MTUS2: variants seen among roughly 807,000 people sequenced by gnomAD.
MTUS2 encodes the protein microtubule associated scaffold protein 2.
In MTUS2, 40 loss-of-function variants were observed where a neutral mutation model predicts 114.1. That is an observed-to-expected ratio of 0.35 (90% confidence interval 0.27 to 0.46). The LOEUF is 0.46. Among genes scored for constraint, MTUS2 ranks in the 20% least tolerant of loss-of-function variants. The pLI, the probability that MTUS2 is intolerant of heterozygous loss-of-function variation, is 1.00. For missense variants in MTUS2, 1,679 were observed against 1,705.4 expected (o/e 0.98, Z 0.27); for synonymous variants, 688 against 672.0 (o/e 1.02, Z -0.37).
At chr13:29,293,395 A>G (rs1898799437) in intron 6 of MTUS2, among the ~76,000 whole-genome samples, 1 of 152,198 alleles carries the variant, frequency 6.6e-6, no homozygotes, top group Non-Finnish European at 1.5e-5. Flanking sequence ...TTAGAATGAG[A>G]TACAGTCTTT....
chr13:29,416,082 A>ATTTTTTT (rs139281629), intron 8 of MTUS2, among the ~76,000 whole-genome samples: 29 of 127,716 alleles, frequency 2.3e-4, no homozygotes, highest in Non-Finnish European at 2.6e-4. Flanking sequence ...CACCCCACTA[A>ATTTTTTT]TTTTTTTTTT....
chr13:29,079,691 AT>A (rs1380289009), intron 4 of MTUS2, among the ~76,000 whole-genome samples: 1 of 152,160 alleles, frequency 6.6e-6, no homozygotes, highest in Non-Finnish European at 1.5e-5. Context: ...CCTTGATGAA[AT>A]TTAGTTCACC....
chr13:29,041,155 A>G (rs188789244), intron 4 of MTUS2, among the ~76,000 whole-genome samples: 8 of 152,142 alleles, frequency 5.3e-5, no homozygotes, highest in Non-Finnish European at 1.0e-4. Flanking sequence ...ATGAAGGTCC[A>G]ATTTCATTAT....
chr13:29,481,499 G>A (rs191630073), intron 10 of MTUS2, among the ~76,000 whole-genome samples: 1 of 152,240 alleles, frequency 6.6e-6, no homozygotes, highest in Non-Finnish European at 1.5e-5. Context: ...TATGCTTAAG[G>A]TAAGTTGACA....
intron 8 of MTUS2, among the ~76,000 whole-genome samples, chr13:29,386,139 C>T (rs1437412993): frequency 6.6e-6 from 1 of 152,028 alleles, no homozygotes; most frequent in Non-Finnish European, 1.5e-5. Flanking sequence ...GGTATAAGAC[C>T]CTCATCAGGA....
At chr13:28,989,175 T>G (rs1566273011) in intron 2 of MTUS2, among the ~76,000 whole-genome samples, 1 of 152,158 alleles carries the variant, frequency 6.6e-6, no homozygotes, top group Admixed American at 6.5e-5. Context: ...GTGAAGCTAG[T>G]GGAGTGCTGG....
At chr13:29,389,399 A>ACACGTGTGTGTG (rs1566172841) in intron 8 of MTUS2, among the ~76,000 whole-genome samples, 45 of 67,964 alleles carry the variant, frequency 6.6e-4, no homozygotes, top group South Asian at 1.5e-3. Context: ...GTGTGTGTAT[A>ACACGTGTGTGTG]TATGTATACA....
intron 9 of MTUS2, among the ~76,000 whole-genome samples, chr13:29,463,894 C>G (rs73446133): frequency 0.022 from 3,367 of 152,262 alleles, 108 homozygotes; most frequent in African/African-American, 0.072. Flanking sequence ...AGCTACTCAG[C>G]AAGCTAAGGC....
intron 4 of MTUS2, among the ~76,000 whole-genome samples, chr13:29,078,238 A>G (rs1889285490): frequency 6.6e-6 from 1 of 152,180 alleles, no homozygotes; most frequent in African/African-American, 2.4e-5. Context: ...GGATTTATTT[A>G]AATTAATTTC....
At chr13:29,002,929 T>C (rs538475112) in intron 2 of MTUS2, among the ~76,000 whole-genome samples, 10 of 152,326 alleles carry the variant, frequency 6.6e-5, no homozygotes, top group Admixed American at 1.3e-4. Context: ...CATTGAACTT[T>C]AGCAGTGGAT....
At chr13:29,075,282 A>AAGTGCATCAGG (rs11275266) in intron 4 of MTUS2, among the ~76,000 whole-genome samples, 1 of 151,478 alleles carries the variant, frequency 6.6e-6, no homozygotes, top group African/African-American at 2.4e-5. Context: ...AGCAGCTCTG[A>AAGTGCATCAGG]ACACACGTTG....
intron 14 of MTUS2, among the ~76,000 whole-genome samples, chr13:29,500,792 A>AAC (rs3066073): frequency 0.071 from 10,247 of 144,238 alleles, 377 homozygotes; most frequent in Middle Eastern, 0.15. Context: ...TTACATCAGA[A>AAC]ACACACACAC....
chr13:29,033,525 T>A (rs1023483533), intron 3 of MTUS2, among the ~76,000 whole-genome samples: 1 of 152,114 alleles, frequency 6.6e-6, no homozygotes, highest in East Asian at 1.9e-4. Context: ...ACTTTCATAA[T>A]TTTATGAACA....
At chr13:29,104,531 G>A (rs1260613893) in intron 5 of MTUS2, among the ~76,000 whole-genome samples, 2 of 152,186 alleles carry the variant, frequency 1.3e-5, no homozygotes, top group African/African-American at 2.4e-5. Flanking sequence ...TCCGCTTTAC[G>A]CAGAAGCCAC....
intron 5 of MTUS2, among the ~76,000 whole-genome samples, chr13:29,210,232 T>A (rs1272626682): frequency 1.3e-5 from 2 of 152,052 alleles, no homozygotes; most frequent in Non-Finnish European, 2.9e-5. Context: ...CACTTTCCAG[T>A]GTATTTTGTG....
At position 29,325,492 on chromosome 13, in the gene MTUS2, GA is replaced by G. The variant is rs371702691; in HGVS notation, c.2905+782del. Among the ~76,000 whole-genome samples the G allele has an allele frequency of 9.2e-3, 241 of 26,158 alleles. 1 individual carries two copies. Among genetic ancestry groups the G allele is most frequent in the East Asian group, 0.056 (17 of 306 alleles). The allele number at this position is 26,158 out of a possible 152,430, so 17.2% of individuals were successfully genotyped here. A position where few individuals can be genotyped will look rare whatever the true frequency, so the allele number is the denominator to read the frequency against. Reference sequence around the variant, plus strand: ...AAAAGAAAAGAAGAAGAGGAAGAGGGAGGAGGAGGAGGAGGAGAAGGAGGAG... The same window carrying G: ...AAAAGAAAAGAAGAAGAGGAAGAGGGGGAGGAGGAGGAGGAGAAGGAGGAG... On this transcript the variant is annotated intron_variant, in intron 7 of 15. Coordinates refer to ENST00000612955, the MANE Select transcript of MTUS2 (RefSeq NM_001033602.4).
intron 2 of MTUS2, among the ~76,000 whole-genome samples, chr13:28,906,928 G>A (rs892807078): frequency 6.6e-6 from 1 of 151,322 alleles, no homozygotes; most frequent in Non-Finnish European, 1.5e-5. Context: ...CTCGAGAAGA[G>A]CAACTCCAAG....
At chr13:28,982,713 A>T (rs1238334001) in intron 2 of MTUS2, among the ~76,000 whole-genome samples, 3 of 152,248 alleles carry the variant, frequency 2.0e-5, no homozygotes, top group Admixed American at 2.0e-4. Flanking sequence ...AAATTCTGAC[A>T]CGTGCTACAA....
rs538767895 is a variant in MTUS2 at position 29,357,511 on chromosome 13, T to A, written c.2906-1751T>A. Among the ~76,000 whole-genome samples the A allele has an allele frequency of 2.6e-5, 4 of 152,240 alleles. No individual in the cohort carries two copies. The South Asian group carries it at 8.3e-4, about 32-fold the overall frequency. On this transcript the variant is annotated intron_variant, in intron 7 of 15. Coordinates refer to ENST00000612955, the MANE Select transcript of MTUS2 (RefSeq NM_001033602.4). ...ACAGCAATAAAATGGAAAACAGCAATTGTGGGGAAAAAAATATCTATCTTT... is the reference window on the plus strand; with the variant it reads ...ACAGCAATAAAATGGAAAACAGCAAATGTGGGGAAAAAAATATCTATCTTT...
Sources: allele counts gnomAD v4.1 joint callset (sites outside exome capture counted in the v4.1 genomes callset), GRCh38; gene constraint gnomAD v4.1.1; transcripts MANE v1.5; gene names NCBI Gene and HGNC (gene_info 2026-07-23, HGNC 2026-07-21).